The following SORBS2 variants were observed in gnomAD, a reference collection of about 807,000 sequenced individuals.
SORBS2 encodes sorbin and SH3 domain-containing protein 2.
Under a neutral mutation model 97.7 loss-of-function variants are expected in SORBS2, and 46 were observed. That is an observed-to-expected ratio of 0.47 (90% confidence interval 0.37 to 0.60). The LOEUF (loss-of-function observed/expected upper bound fraction) is 0.60, where lower values mean the gene tolerates loss of function less well. SORBS2 is among the 20% of genes least tolerant of loss of function. The probability of loss-of-function intolerance (pLI) is 0.00; values close to 1 mark genes in which losing one functional copy is unlikely to be tolerated. For missense variants in SORBS2, 1,316 were observed against 1,282.3 expected (o/e 1.03, Z -0.40); for synonymous variants, 476 against 473.4 (o/e 1.01, Z -0.07).
At chr4:185,804,442 A>G (rs1302041027) in intron 1 of SORBS2, among the ~76,000 whole-genome samples, 2 of 152,246 alleles carry the variant, frequency 1.3e-5, no homozygotes, top group Non-Finnish European at 2.9e-5. Context: ...CTTCATTAAC[A>G]TGATATAAAA....
At chr4:185,633,241 T>C (rs2096936069) in intron 4 of SORBS2, among the ~76,000 whole-genome samples, 1 of 152,180 alleles carries the variant, frequency 6.6e-6, no homozygotes. Context: ...GTAGCTAAGG[T>C]AATGTCTAAT....
At chr4:185,809,653 A>G (rs1006311143) in intron 1 of SORBS2, among the ~76,000 whole-genome samples, 4 of 152,124 alleles carry the variant, frequency 2.6e-5, no homozygotes, top group African/African-American at 9.7e-5. Context: ...ATTATTAACT[A>G]TGGAGATGCG....
intron 12 of SORBS2, among the ~76,000 whole-genome samples, chr4:185,594,290 A>G (rs898024021): frequency 3.9e-5 from 6 of 152,228 alleles, no homozygotes; most frequent in Non-Finnish European, 7.3e-5. Flanking sequence ...ACACCTTCAT[A>G]CAACCTTATT....
At chr4:185,602,167 G>C (rs1293736699) in intron 12 of SORBS2, among the ~76,000 whole-genome samples, 2 of 152,062 alleles carry the variant, frequency 1.3e-5, no homozygotes, top group East Asian at 3.9e-4. Flanking sequence ...CTGTCACCAC[G>C]TCCGGCTAAT....
rs1252143465 is a variant in SORBS2, at chr4:185,721,985, GAGA to G, written c.-197-43166_-197-43164del. Among the ~76,000 whole-genome samples, 8 of 152,138 alleles carry G rather than the reference GAGA, an allele frequency of 5.3e-5. No homozygotes were observed. The East Asian group carries it at 9.6e-4, about 18-fold the overall frequency. ...AATGTAGTCAAGGAAGAAAAAAAAT[GAGA>G]AGTTCTTTAGATTTCAGCCAAAACA... On this transcript the variant is annotated intron_variant, in intron 2 of 20. Transcript: ENST00000284776.
At chr4:185,930,432 C>T (rs1023474090) in intron 1 of SORBS2, among the ~76,000 whole-genome samples, 5 of 151,734 alleles carry the variant, frequency 3.3e-5, no homozygotes, top group Non-Finnish European at 7.4e-5. Context: ...GTAGCTGGGA[C>T]TACAGGCGAC....
Position 185,690,625 on chromosome 4 carries a change from A to G in SORBS2, c.-197-11803T>C. 1 of 1,246,760 alleles carries G rather than the reference A, an allele frequency of 8.0e-7. No homozygotes were observed. Among genetic ancestry groups the G allele is most frequent in the Non-Finnish European group, 1.1e-6 (1 of 892,388 alleles). 77.2% of individuals were successfully genotyped at this position (1,246,760 alleles called of 1,614,324 possible). A position where few individuals can be genotyped will look rare whatever the true frequency, so the allele number is the denominator to read the frequency against. ...TCTTCAGTTTTCCTGTAGGAAAAAA[A>G]TGGTGCATAATTGTTCACTAGCATG... is the stretch of plus-strand genomic sequence containing the variant. On this transcript the variant is annotated intron_variant, in intron 2 of 20. Transcript: ENST00000284776.
chr4:185,667,174 GA>G (rs1195421827), intron 4 of SORBS2, among the ~76,000 whole-genome samples: 1 of 152,180 alleles, frequency 6.6e-6, no homozygotes, highest in Non-Finnish European at 1.5e-5. Flanking sequence ...TTTTGGAGGG[GA>G]TGTTTGGGAG....
At chr4:185,727,885 T>C (rs190913122) in intron 2 of SORBS2, among the ~76,000 whole-genome samples, 3 of 152,362 alleles carry the variant, frequency 2.0e-5, no homozygotes, top group African/African-American at 7.2e-5. Context: ...TATGTTTTCT[T>C]TGATGACTTT....
At chr4:185,666,898 T>C (rs569349175) in intron 4 of SORBS2, among the ~76,000 whole-genome samples, 1 of 152,220 alleles carries the variant, frequency 6.6e-6, no homozygotes, top group South Asian at 2.1e-4. Context: ...AAATCTTAGG[T>C]AAAGGAGAAA....
rs1187834193 is a variant in SORBS2 at position 185,723,148 on chromosome 4, AT to A, written c.-197-44327del. On this transcript the variant is annotated intron_variant, in intron 2 of 20. Coordinates refer to the SORBS2 transcript ENST00000284776. ...ATAAATCAATAACCATTAAAAAAAA[AT>A]AAAATAAAATAAATCCCACAGCCAC... Among the ~76,000 whole-genome samples the A allele has an allele frequency of 1.2e-3, 185 of 151,914 alleles. 1 individual carries two copies. Among genetic ancestry groups the A allele is most frequent in the African/African-American group, 4.3e-3 (178 of 41,270 alleles).
intron 1 of SORBS2, among the ~76,000 whole-genome samples, chr4:185,778,619 G>A (rs73873376): frequency 0.016 from 2,377 of 152,118 alleles, 62 homozygotes; most frequent in African/African-American, 0.055. Context: ...CCCCGGCCCC[G>A]CCCCTAGAGA....
At chr4:185,667,396 TCA>T (rs1478864141) in intron 4 of SORBS2, among the ~76,000 whole-genome samples, 1 of 152,174 alleles carries the variant, frequency 6.6e-6, no homozygotes, top group Non-Finnish European at 1.5e-5. Context: ...AATTTTTTTC[TCA>T]GACTTTTACT....
chr4:185,611,923 G>A, exon 12 of SORBS2: 1 of 1,613,746 alleles, frequency 6.2e-7, no homozygotes, highest in Admixed American at 1.7e-5. Flanking sequence ...TTGGTTCCTG[G>A]GATTTTACCT....
chr4:185,719,703 C>T (rs549576295), intron 2 of SORBS2, among the ~76,000 whole-genome samples: 169 of 152,288 alleles, frequency 1.1e-3, no homozygotes, highest in Non-Finnish European at 2.1e-3. Flanking sequence ...TGAAATCATC[C>T]AAGACGTGTT....
chr4:185,778,431 T>C (rs557016352), intron 1 of SORBS2, among the ~76,000 whole-genome samples: 6 of 152,162 alleles, frequency 3.9e-5, no homozygotes, highest in Non-Finnish European at 8.8e-5. Context: ...ACGTCATCAC[T>C]TAGGATCTTG....
intron 1 of SORBS2, among the ~76,000 whole-genome samples, chr4:185,824,892 C>T (rs915621204): frequency 4.8e-5 from 7 of 145,086 alleles, no homozygotes; most frequent in Non-Finnish European, 9.5e-5. Flanking sequence ...AAAGTGCATC[C>T]TGGCCCCACA....
At chr4:185,842,993 A>C (rs1178621137) in intron 1 of SORBS2, among the ~76,000 whole-genome samples, 5 of 151,906 alleles carry the variant, frequency 3.3e-5, no homozygotes, top group Non-Finnish European at 7.4e-5. Flanking sequence ...GCAGGCAATT[A>C]GATAAATAAG....
chr4:185,704,056 T>C (rs937566089), intron 2 of SORBS2, among the ~76,000 whole-genome samples: 1 of 152,208 alleles, frequency 6.6e-6, no homozygotes, highest in Admixed American at 6.5e-5. Context: ...CTAAAAAGGT[T>C]TATTTTGTGT....
Sources: allele counts gnomAD v4.1 joint callset (sites outside exome capture counted in the v4.1 genomes callset), GRCh38; gene constraint gnomAD v4.1.1; transcripts MANE v1.5; gene names NCBI Gene and HGNC (gene_info 2026-07-23, HGNC 2026-07-21).